Variants in MGA observed in about 807,000 individuals in gnomAD.
MGA encodes the protein MAX dimerization protein MGA.
Under a neutral mutation model 261.1 loss-of-function variants are expected in MGA, and 40 were observed. That is an observed-to-expected ratio of 0.15 (90% CI 0.12 to 0.20). The LOEUF is 0.20. Among genes scored for constraint, MGA ranks in the 10% least tolerant of loss-of-function variants. The probability of loss-of-function intolerance (pLI) is 1.00; values close to 1 mark genes in which losing one functional copy is unlikely to be tolerated. For synonymous variants in MGA, 1,302 were observed against 1,290.6 expected (o/e 1.01, Z -0.19); for missense variants, 3,397 against 3,630.5 (o/e 0.94, Z 1.65).
intron 1 of MGA, among the ~76,000 whole-genome samples, chr15:41,626,132 T>A (rs559460673): frequency 6.6e-6 from 1 of 152,168 alleles, no homozygotes; most frequent in East Asian, 1.9e-4. Context: ...GTTTTAGACA[T>A]ACACTGGGGG....
Position 41,750,054 on chromosome 15 carries a change from G to T in MGA, c.6447G>T (p.Glu2149Asp). The change falls in exon 17 of 24, where the codon GAG becomes GAT. Residue 2149 changes from glutamate (E) to aspartate (D), a missense_variant. This residue lies in a region of MGA where 1,410 missense variants were observed against 1,386.4 expected (regional missense o/e 1.02). Transcript: ENST00000219905. The stretch of plus-strand genomic sequence containing the variant: ...AATTGTCAGGAAGCAAAGTTATGGA[G>T]CAGCAATCTAATCTACAGCCAGAGG... 1 of 1,613,394 alleles carries T rather than the reference G, an allele frequency of 6.2e-7. No individual in the cohort carries two copies.
At chr15:41,709,426 C>T (rs1314669794) in intron 7 of MGA, among the ~76,000 whole-genome samples, 1 of 152,150 alleles carries the variant, frequency 6.6e-6, no homozygotes, top group Admixed American at 6.5e-5. Context: ...TTTTGTATCA[C>T]ACTCCAGGCA....
At position 41,693,361 on chromosome 15, in the gene MGA, A is replaced by C. The variant is rs1187246045; in HGVS notation, c.1065-2714A>C. On this transcript the variant is annotated intron_variant, in intron 2 of 23. Transcript: ENST00000219905. ...GTGTGATGTTCCCCTTTCTGTGTCCATGCGTTCTCATTGTTCAATTCCCAC... is the reference window on the plus strand; with the variant it reads ...GTGTGATGTTCCCCTTTCTGTGTCCCTGCGTTCTCATTGTTCAATTCCCAC... 3.2e-5 allele frequency among the ~76,000 whole-genome samples: 4 copies of C among 125,998 alleles called. No homozygotes were observed. In the Admixed American group the frequency reaches 4.3e-4, roughly 14 times the overall value. The allele number at this position is 125,998 out of a possible 152,430, so 82.7% of individuals were successfully genotyped here.
chr15:41,685,760 G>T (rs1415374744), intron 2 of MGA, among the ~76,000 whole-genome samples: 1 of 152,032 alleles, frequency 6.6e-6, no homozygotes, highest in Non-Finnish European at 1.5e-5. Context: ...TTGGGAGGCC[G>T]AGGCGGGAGG....
chr15:41,694,290 C>T (rs576801688), intron 2 of MGA, among the ~76,000 whole-genome samples: 57 of 151,914 alleles, frequency 3.8e-4, no homozygotes, highest in Non-Finnish European at 6.0e-4. Context: ...TTGGTGCATG[C>T]CTATAATCAC....
At chr15:41,680,351 C>T (rs999139149) in intron 2 of MGA, among the ~76,000 whole-genome samples, 1 of 152,090 alleles carries the variant, frequency 6.6e-6, no homozygotes, top group Non-Finnish European at 1.5e-5. Context: ...TACACAGTTG[C>T]CTTACAATTT....
intron 9 of MGA, among the ~76,000 whole-genome samples, chr15:41,723,326 G>T (rs565700270): frequency 6.6e-6 from 1 of 152,254 alleles, no homozygotes; most frequent in African/African-American, 2.4e-5. Flanking sequence ...TTTTGTTCTT[G>T]CCTTTGTAGG....
In MGA at chr15:41,767,201, G is replaced by A. The variant is rs1414953741; in HGVS notation, c.9119G>A (p.Ser3040Asn). 3 of 1,613,920 alleles carry A rather than the reference G, an allele frequency of 1.9e-6. No homozygotes were observed. The highest frequency in any genetic ancestry group is 2.5e-6 in the Non-Finnish European group (3 of 1,179,902). ...GGGAATGACCAGGAAGGCCGGGAAA[G>A]CAAGGTGATGCCTACATTGGCACCT... Residue 3040 changes from serine to asparagine, a missense_variant, in exon 24 of 24, where the codon AGC (serine) becomes AAC (asparagine). Ser to Asn is a conservative substitution (Grantham distance 46). Around this residue, in one of 9 missense-constraint regions of MGA, gnomAD observed 647 missense variants for 642.4 expected, o/e 1.01. Transcript: ENST00000219905.
chr15:41,761,328 A>G (rs2063443683), intron 20 of MGA, among the ~76,000 whole-genome samples: 3 of 152,258 alleles, frequency 2.0e-5, no homozygotes, highest in Admixed American at 2.0e-4. Context: ...ATTTCGTTTA[A>G]ACAGTTTTTA....
At position 41,767,217 on chromosome 15, in the gene MGA, A is replaced by G. The variant is rs566252390; in HGVS notation, c.9135A>G (p.Thr3045=). Reference sequence around the variant, plus strand: ...GCCGGGAAAGCAAGGTGATGCCTACATTGGCACCTGTTGTGGCTAAATTGG... The same window carrying G: ...GCCGGGAAAGCAAGGTGATGCCTACGTTGGCACCTGTTGTGGCTAAATTGG... The change falls in exon 24 of 24, where the codon ACA becomes ACG. Residue 3045 remains threonine, a synonymous_variant. Coordinates refer to ENST00000219905, the MANE Select transcript of MGA (RefSeq NM_001164273.2). 2.5e-6 allele frequency: 4 copies of G among 1,613,912 alleles called. No homozygotes were observed. Among genetic ancestry groups the G allele is most frequent in the South Asian group, 1.1e-5 (1 of 91,086 alleles).
rs749795351 is a variant in MGA, at chr15:41,669,772, G to A, written c.878G>A (p.Arg293His). 9 of 1,613,822 alleles carry A rather than the reference G, an allele frequency of 5.6e-6. No homozygotes were observed. Among genetic ancestry groups the A allele is most frequent in the Admixed American group, 5.0e-5 (3 of 60,000 alleles). Residue 293 changes from arginine to histidine, a missense_variant, in exon 2 of 24, where the codon CGT becomes CAT. This residue lies in a region of MGA where 563 missense variants were observed against 563.6 expected (regional missense o/e 1.00). Transcript: ENST00000219905. ...TCCAGTTCTTCTGGTCATCGGGTCC[G>A]TCTTACAGAAGGTCAGGGGTCAGAG...
At chr15:41,702,708 G>A (rs981935261) in intron 5 of MGA, among the ~76,000 whole-genome samples, 3 of 152,112 alleles carry the variant, frequency 2.0e-5, no homozygotes, top group Non-Finnish European at 2.9e-5. Context: ...TTTTCTTTCC[G>A]TGGTACTATA....
chr15:41,660,261 G>T (rs1003137943), upstream of MGA, among the ~76,000 whole-genome samples: 5 of 152,208 alleles, frequency 3.3e-5, no homozygotes, highest in African/African-American at 1.2e-4. Context: ...CTCGGGGGGC[G>T]GGTCCCAAGG....
At chr15:41,722,662 A>C (rs1209930672) in intron 9 of MGA, among the ~76,000 whole-genome samples, 1 of 152,144 alleles carries the variant, frequency 6.6e-6, no homozygotes, top group Non-Finnish European at 1.5e-5. Flanking sequence ...TTTCTTTATA[A>C]ATGCTATATT....
At chr15:41,656,377 T>TCTCTCTCTTTCTCTCTCTCACA (rs1555403733), upstream of MGA, among the ~76,000 whole-genome samples, 1 of 68,276 alleles carries the variant, frequency 1.5e-5, no homozygotes, top group Non-Finnish European at 3.5e-5. Flanking sequence ...TCTCTCTCTC[T>TCTCTCTCTTTCTCTCTCTCACA]CACACCCAGG....
intron 7 of MGA, 109 bp downstream of exon 7, chr15:41,708,317 T>TTTG (rs901133362): frequency 5.4e-5 from 45 of 826,386 alleles, no homozygotes; most frequent in African/African-American, 3.5e-4. Flanking sequence ...CCATGGGTTT[T>TTTG]TTGTTGTTGT....
chr15:41,679,735 T>G (rs994548258), intron 2 of MGA, among the ~76,000 whole-genome samples: 1 of 152,110 alleles, frequency 6.6e-6, no homozygotes, highest in African/African-American at 2.4e-5. Context: ...TGGGGGGGAC[T>G]GAGTGCGTTT....
intron 19 of MGA, 38 bp from the exon 20 acceptor site, chr15:41,760,285 A>G (rs138559045): frequency 1.9e-6 from 3 of 1,597,144 alleles, no homozygotes; most frequent in South Asian, 1.1e-5. Context: ...GGCCAACTAC[A>G]TGTTCAAGAT....
chr15:41,656,338 C>T (rs1270694120), upstream of MGA, among the ~76,000 whole-genome samples: 1 of 54,554 alleles, frequency 1.8e-5, no homozygotes, highest in Non-Finnish European at 4.9e-5. Context: ...CTCTCCCTCT[C>T]CTCTCTTCTC....
Sources: allele counts gnomAD v4.1 joint callset (sites outside exome capture counted in the v4.1 genomes callset), GRCh38; gene constraint gnomAD v4.1.1; regional missense constraint gnomAD v4.1.1; transcripts MANE v1.5; gene names NCBI Gene and HGNC (gene_info 2026-07-23, HGNC 2026-07-21).